RSRP1: variants seen among roughly 807,000 people sequenced by gnomAD.
RSRP1 encodes arginine and serine rich protein 1.
In RSRP1, 37 loss-of-function variants were observed where a neutral mutation model predicts 33.0. The ratio of observed to expected loss-of-function variants is 1.12; its 90% CI spans 0.86 to 1.48. The LOEUF (loss-of-function observed/expected upper bound fraction) is 1.48, where lower values mean the gene tolerates loss of function less well. Among genes scored for constraint, RSRP1 ranks in the 40% most tolerant of loss-of-function variants. The pLI is 0.00. For synonymous variants in RSRP1, 167 were observed against 158.7 expected (o/e 1.05, Z -0.40); for missense variants, 402 against 385.3 (o/e 1.04, Z -0.36).
chr1:25,260,432 T>C (rs1353698408), intron 1 of RSRP1, among the ~76,000 whole-genome samples: 1 of 151,474 alleles, frequency 6.6e-6, no homozygotes, highest in Non-Finnish European at 1.5e-5. Context: ...ATTTTACAGA[T>C]TTTTTTTTCC....
intron 1 of RSRP1, among the ~76,000 whole-genome samples, chr1:25,257,466 A>G (rs1477649153): frequency 6.6e-6 from 1 of 152,210 alleles, no homozygotes; most frequent in Non-Finnish European, 1.5e-5. Context: ...ATAATATTTT[A>G]GAAACAAAAG....
chr1:25,246,097 T>C (rs1639362766), intron 2 of RSRP1: 2 of 235,956 alleles, frequency 8.5e-6, no homozygotes, highest in Non-Finnish European at 1.7e-5. Context: ...TATTCAGTAA[T>C]AATGTCAACT....
intron 1 of RSRP1, among the ~76,000 whole-genome samples, chr1:25,252,755 G>A (rs977476123): frequency 6.6e-6 from 1 of 151,610 alleles, no homozygotes; most frequent in Non-Finnish European, 1.5e-5. Context: ...GGCTGGTCTC[G>A]AACCTCTGAC....
In RSRP1 at chr1:25,242,723, C is replaced by T. The variant is rs1638949595; in HGVS notation, c.757-18G>A. 8 of 1,500,232 alleles carry T rather than the reference C, an allele frequency of 5.3e-6. No individual in the cohort carries two copies. Among genetic ancestry groups the T allele is most frequent in the African/African-American group, 2.8e-5 (2 of 71,852 alleles). The allele number at this position is 1,500,232 out of a possible 1,614,324, so 92.9% of individuals were successfully genotyped here. A position where few individuals can be genotyped will look rare whatever the true frequency, so the allele number is the denominator to read the frequency against. On this transcript the variant is annotated intron_variant, in intron 4 of 4. Transcript: ENST00000243189. ...ACAGAATTCTGTAAAAGAACAAATT[C>T]AGTCAGCTTCCCAAACATACATTGT...
intron 1 of RSRP1, among the ~76,000 whole-genome samples, chr1:25,300,066 A>C (rs1178563636): frequency 7.6e-6 from 1 of 131,360 alleles, no homozygotes; most frequent in African/African-American, 2.6e-5. Flanking sequence ...TGAAGACCTT[A>C]GTTTGGTATT....
chr1:25,290,259 G>A (rs1642372434), intron 1 of RSRP1, among the ~76,000 whole-genome samples: 1 of 126,586 alleles, frequency 7.9e-6, no homozygotes, highest in African/African-American at 2.7e-5. Context: ...TTGAGCATCC[G>A]AATGATGGCA....
Position 25,334,096 on chromosome 1 carries a change from T to C in RSRP1, c.-67+3882A>G, listed in dbSNP as rs527422590. Among the ~76,000 whole-genome samples, 74 of 130,964 alleles carry C rather than the reference T, an allele frequency of 5.7e-4. 10 individuals carry two copies. Among genetic ancestry groups the C allele is most frequent in the African/African-American group, 1.8e-3 (68 of 38,224 alleles). The allele number at this position is 130,964 out of a possible 152,430, so 85.9% of individuals were successfully genotyped here. On this transcript the variant is annotated intron_variant, in intron 1 of 1. Coordinates refer to the RSRP1 transcript ENST00000561867. The stretch of plus-strand genomic sequence containing the variant: ...AGCATTAACTCAAAAGTCCACAGTC[T>C]AATGTCTCATCTGAGACAAGGCAAG...
In RSRP1 at chr1:25,246,605, C is replaced by T. The variant is rs1639428225; in HGVS notation, c.359G>A (p.Arg120His). Residue 120 changes from arginine to histidine, a missense_variant, in exon 2 of 5, where the codon CGC (arginine) becomes CAC (histidine). Coordinates refer to ENST00000243189, the MANE Select transcript of RSRP1 (RefSeq NM_020317.5). ...RYRSRSRSRS[R>H]SRGRSYCGRA... ...TCCGCAGTACGACCTTCCCCGAGAG[C>T]GCGACCTGCTACGGGACCGGGACCG... is the stretch of plus-strand genomic sequence containing the variant. 1 of 1,614,146 alleles carries T rather than the reference C, an allele frequency of 6.2e-7. No individual in the cohort carries two copies. Among genetic ancestry groups the T allele is most frequent in the Non-Finnish European group, 8.5e-7 (1 of 1,180,038 alleles).
In RSRP1 at chr1:25,300,008, C is replaced by A. The variant is rs1483318293; in HGVS notation, c.-67+37970G>T. 2.3e-5 allele frequency among the ~76,000 whole-genome samples: 3 copies of A among 131,296 alleles called. 1 individual carries two copies. 86.1% of individuals were successfully genotyped at this position (131,296 alleles called of 152,430 possible). On this transcript the variant is annotated intron_variant, in intron 1 of 1. Transcript: ENST00000561867. ...CAGGTGATCCACCCACCTCAGCCTC[C>A]CAAAGTGCTGGGATTACAGGCAAAA...
chr1:25,246,817 G>C lies in RSRP1; in HGVS notation c.147C>G (p.Val49=), dbSNP rs1221659003. 9.9e-6 allele frequency: 16 copies of C among 1,613,554 alleles called. No individual in the cohort carries two copies. Among genetic ancestry groups the C allele is most frequent in the Non-Finnish European group, 1.4e-5 (16 of 1,179,836 alleles). ...FSRSSRSHSR[V]SSRFSSRSRR... is the part of the protein sequence containing the mutation. Reference sequence around the variant, plus strand: ...GACTCCTGGACGAAAACCGGCTCGAGACGCGGGAATGGGACCGAGAGCTTC... The same window carrying C: ...GACTCCTGGACGAAAACCGGCTCGACACGCGGGAATGGGACCGAGAGCTTC... The change falls in exon 2 of 5, where the codon GTC becomes GTG. Residue 49 remains valine (V), a synonymous_variant. Transcript: ENST00000243189.
rs1643456756 is a variant in RSRP1, at chr1:25,302,394, G to C, written c.-67+35584C>G. ...TGGTGGGGCTCGGGTGGGAGGCACT[G>C]GGGGGGCTGGAGTGGAAAGAATGTG... On this transcript the variant is annotated intron_variant, in intron 1 of 1. Coordinates refer to the RSRP1 transcript ENST00000561867. 1.6e-5 allele frequency among the ~76,000 whole-genome samples: 2 copies of C among 123,372 alleles called. 1 individual carries two copies. The highest frequency in any genetic ancestry group is 6.2e-5 in the African/African-American group (2 of 32,438). The allele number at this position is 123,372 out of a possible 152,430, so 80.9% of individuals were successfully genotyped here. A position where few individuals can be genotyped will look rare whatever the true frequency, so the allele number is the denominator to read the frequency against.
rs584132 is a variant in RSRP1 at position 25,303,563 on chromosome 1, C to T, written c.-67+34415G>A. Reference sequence around the variant, plus strand: ...GTGCACAGCTGCATTAGGCAGGTGTCGGCGCATTCTCTTATTGGCTTCAAC... The same window carrying T: ...GTGCACAGCTGCATTAGGCAGGTGTTGGCGCATTCTCTTATTGGCTTCAAC... On this transcript the variant is annotated intron_variant, in intron 1 of 1. Transcript: ENST00000561867. 73 of 1,153,302 alleles carry T rather than the reference C, an allele frequency of 6.3e-5. 16 individuals carry two copies. Among genetic ancestry groups the T allele is most frequent in the South Asian group, 3.0e-4 (24 of 79,154 alleles). 71.4% of individuals were successfully genotyped at this position (1,153,302 alleles called of 1,614,324 possible). A position where few individuals can be genotyped will look rare whatever the true frequency, so the allele number is the denominator to read the frequency against.
At chr1:25,303,519 C>T in intron 1 of RSRP1, 1 of 1,340,286 alleles carries the variant, frequency 7.5e-7, no homozygotes. Context: ...GACGCTGGGA[C>T]CTGATGGGCC....
At chr1:25,322,183 A>G (rs898643039) in intron 1 of RSRP1, among the ~76,000 whole-genome samples, 2 of 131,472 alleles carry the variant, frequency 1.5e-5, no homozygotes, top group African/African-American at 5.2e-5. Flanking sequence ...TGATACCTCA[A>G]ATTCATTCAG....
chr1:25,334,467 G>A (rs574297793), intron 1 of RSRP1, among the ~76,000 whole-genome samples: 48 of 131,504 alleles, frequency 3.7e-4, no homozygotes, highest in African/African-American at 1.2e-3. Context: ...CCAGGTACAC[G>A]GTGCAAGCTG....
chr1:25,252,668 G>C (rs985465027), intron 1 of RSRP1, among the ~76,000 whole-genome samples: 1 of 152,080 alleles, frequency 6.6e-6, no homozygotes, highest in Non-Finnish European at 1.5e-5. Flanking sequence ...TGAGTAGCTG[G>C]GATTACAGGC....
chr1:25,242,937 A>G (rs1638981304), intron 4 of RSRP1, among the ~76,000 whole-genome samples: 1 of 152,130 alleles, frequency 6.6e-6, no homozygotes. Flanking sequence ...TAAAAATACA[A>G]AAATTAGCCG....
chr1:25,291,325 T>C (rs1034990774), intron 1 of RSRP1, among the ~76,000 whole-genome samples: 1 of 129,746 alleles, frequency 7.7e-6, no homozygotes, highest in African/African-American at 2.6e-5. Context: ...AAAATTTAGC[T>C]GGGCATGGTG....
rs541291465 is a variant in RSRP1, at chr1:25,298,259, A to G, written c.-67+39719T>C. ...AAGAGGAGTAAATTTCAGAGGCAGAACACTCCCTGTGAGCCCGAACCTCTT... is the reference window on the plus strand; with the variant it reads ...AAGAGGAGTAAATTTCAGAGGCAGAGCACTCCCTGTGAGCCCGAACCTCTT... On this transcript the variant is annotated intron_variant, in intron 1 of 1. Transcript: ENST00000561867. Among the ~76,000 whole-genome samples, 3 of 110,016 alleles carry G rather than the reference A, an allele frequency of 2.7e-5. 1 individual carries two copies. The highest frequency in any genetic ancestry group is 1.8e-4 in the Admixed American group (2 of 10,884). 72.2% of individuals were successfully genotyped at this position (110,016 alleles called of 152,430 possible).
Sources: gnomAD v4.1 joint callset for allele counts (sites outside exome capture counted in the v4.1 genomes callset) on GRCh38, gnomAD v4.1.1 for gene constraint, MANE v1.5 for transcripts, NCBI Gene and HGNC (gene_info 2026-07-23, HGNC 2026-07-21) for gene names.